The following MCOLN3 variants were observed in gnomAD, a reference collection of about 807,000 sequenced individuals.
The protein encoded by MCOLN3 is mucolipin-3.
A neutral mutation model predicts 69.4 loss-of-function variants in MCOLN3; 62 were observed. The ratio of observed to expected loss-of-function variants is 0.89; its 90% CI spans 0.73 to 1.10. MCOLN3 has a LOEUF of 1.10. MCOLN3 is among the 50% of genes least tolerant of loss of function. The pLI is 0.00. For synonymous variants in MCOLN3, 183 were observed against 217.0 expected, an observed-to-expected ratio of 0.84 and a Z score of 1.38; for missense variants, 564 against 656.4, an observed-to-expected ratio of 0.86 and a Z score of 1.54.
At chr1:85,044,935 G>GA (rs1363857747) in intron 2 of MCOLN3, among the ~76,000 whole-genome samples, 198 bp downstream of exon 2, 7 of 151,832 alleles carry the variant, frequency 4.6e-5, no homozygotes, top group African/African-American at 1.4e-4. Context: ...AACGATACAA[G>GA]AAAAAAACTA....
chr1:85,021,470 G>A (rs1257159216), intron 11 of MCOLN3, among the ~76,000 whole-genome samples, 194 bp from the exon 12 acceptor site: 2 of 152,132 alleles, frequency 1.3e-5, no homozygotes, highest in Non-Finnish European at 2.9e-5. Flanking sequence ...TTTTTCCTGA[G>A]ACAAGCAGCT....
chr1:85,027,362 C>T (rs559442766), intron 7 of MCOLN3, among the ~76,000 whole-genome samples: 1 of 152,234 alleles, frequency 6.6e-6, no homozygotes, highest in African/African-American at 2.4e-5. Context: ...TTCACAGCAA[C>T]TCCAATGAGG....
At chr1:85,030,284 A>T (rs1652445436) in intron 6 of MCOLN3, among the ~76,000 whole-genome samples, 1 of 152,256 alleles carries the variant, frequency 6.6e-6, no homozygotes, top group Non-Finnish European at 1.5e-5. Context: ...CTATTGAGTA[A>T]AAAACTGGGA....
chr1:85,022,164 A>C lies in MCOLN3; in HGVS notation c.1226T>G (p.Leu409Arg), dbSNP rs1651972810. The C allele has an allele frequency of 1.2e-6, 2 of 1,614,036 alleles. No individual in the cohort carries two copies. Among genetic ancestry groups the C allele is most frequent in the South Asian group, 2.2e-5 (2 of 91,080 alleles). Residue 409 changes from leucine (L) to arginine (R), a missense_variant, in exon 11 of 13, where the codon CTG becomes CGG. Transcript: ENST00000370589. Reference protein sequence around the residue: ...NLLILTLQAALPNVIRFCCCA... With the variant: ...NLLILTLQAARPNVIRFCCCA... ...GCAGCAGAACCTGATGACATTGGGC[A>C]GCGCTGCCTGAAGGGTCAAAATGAG...
chr1:85,030,024 G>A (rs541292655), intron 6 of MCOLN3: 27 of 152,302 alleles, frequency 1.8e-4, no homozygotes, highest in African/African-American at 6.0e-4. Context: ...GATTTCAAAT[G>A]ACTTTTAAAA....
chr1:85,040,804 A>C (rs967277968), intron 3 of MCOLN3, among the ~76,000 whole-genome samples: 1 of 152,180 alleles, frequency 6.6e-6, no homozygotes, highest in Non-Finnish European at 1.5e-5. Flanking sequence ...CCTTTCTGTT[A>C]CTAAACAAAA....
intron 2 of MCOLN3, among the ~76,000 whole-genome samples, chr1:85,044,343 T>A (rs1307193765): frequency 6.6e-6 from 1 of 152,224 alleles, no homozygotes; most frequent in Non-Finnish European, 1.5e-5. Flanking sequence ...TACCAATTGT[T>A]TATTTACTTA....
Position 85,019,116 on chromosome 1 carries a change from C to T in MCOLN3, c.*7G>A, listed in dbSNP as rs1330656336. On this transcript the variant is annotated 3_prime_UTR_variant, in exon 13 of 13. Coordinates refer to ENST00000370589, the MANE Select transcript of MCOLN3 (RefSeq NM_018298.11). Reference sequence around the variant, plus strand: ...ATTTTCCTCTAAAGTACAGATAAACCTGATAGCTACTTTTTACAACAGCAG... The same window carrying T: ...ATTTTCCTCTAAAGTACAGATAAACTTGATAGCTACTTTTTACAACAGCAG... 1 of 1,612,352 alleles carries T rather than the reference C, an allele frequency of 6.2e-7. No homozygotes were observed. Among genetic ancestry groups the T allele is most frequent in the East Asian group, 2.2e-5 (1 of 44,830 alleles).
At chr1:85,024,708 G>T (rs921558019) in intron 9 of MCOLN3, 1 of 152,078 alleles carries the variant, frequency 6.6e-6, no homozygotes, top group Non-Finnish European at 1.5e-5. Flanking sequence ...TACCATTTAG[G>T]GTTCACTGAA....
rs190991834 is a variant in MCOLN3, at chr1:85,041,598, G to T, written c.229-421C>A. ...AAAAGCTTACTATACAGCCGGGCGT[G>T]GTGGTTCACGCCTGTAATCCCAGCA... On this transcript the variant is annotated intron_variant, in intron 2 of 12. Transcript: ENST00000370589. Among the ~76,000 whole-genome samples the T allele has an allele frequency of 3.9e-3, 586 of 152,178 alleles. 9 individuals carry two copies. Among genetic ancestry groups the T allele is most frequent in the Admixed American group, 0.035 (531 of 15,300 alleles).
intron 7 of MCOLN3, among the ~76,000 whole-genome samples, chr1:85,027,511 A>G (rs1300911299): frequency 2.0e-5 from 3 of 152,126 alleles, no homozygotes; most frequent in Non-Finnish European, 4.4e-5. Flanking sequence ...CCATCACTCT[A>G]TGTCAGTGGT....
rs1651970918 is a variant in MCOLN3 at position 85,022,142 on chromosome 1, G to A, written c.1248C>T (p.Cys416=). The A allele has an allele frequency of 6.2e-7, 1 of 1,614,194 alleles. No homozygotes were observed. The highest frequency in any genetic ancestry group is 8.5e-7 in the Non-Finnish European group (1 of 1,180,004). Residue 416 remains cysteine, a synonymous_variant, in exon 11 of 13, where the codon TGC becomes TGT. Coordinates refer to ENST00000370589, the MANE Select transcript of MCOLN3 (RefSeq NM_018298.11). The part of the protein sequence containing the change: ...QAALPNVIRF[C]CCAAMIYLGY... ...CTAAGTAAATCATAGCTGCACAGCA[G>A]CAGAACCTGATGACATTGGGCAGCG...
intron 2 of MCOLN3, 80 bp from the exon 3 acceptor site, chr1:85,041,257 CA>C: frequency 8.7e-7 from 1 of 1,146,824 alleles, no homozygotes. Flanking sequence ...GGGGCTTGAA[CA>C]ACAAATAGAA....
At chr1:85,032,813 T>C (rs1652605773) in intron 5 of MCOLN3, 21 bp from the exon 6 acceptor site, 1 of 1,613,260 alleles carries the variant, frequency 6.2e-7, no homozygotes, top group Non-Finnish European at 8.5e-7. Context: ...GAGGTGATTT[T>C]AGTTCTGTGG....
chr1:85,033,434 CT>C (rs1254985280), intron 4 of MCOLN3, among the ~76,000 whole-genome samples: 1 of 152,086 alleles, frequency 6.6e-6, no homozygotes, highest in African/African-American at 2.4e-5. Context: ...AAAGTTTTCC[CT>C]TTCAGTACTG....
At chr1:85,035,899 C>T (rs561518527) in intron 3 of MCOLN3, among the ~76,000 whole-genome samples, 1 of 152,326 alleles carries the variant, frequency 6.6e-6, no homozygotes, top group Admixed American at 6.5e-5. Flanking sequence ...ACTGTTCTTC[C>T]TATCTGGAAG....
At chr1:85,031,686 A>C (rs1314761490) in intron 6 of MCOLN3, among the ~76,000 whole-genome samples, 1 of 152,250 alleles carries the variant, frequency 6.6e-6, no homozygotes, top group African/African-American at 2.4e-5. Flanking sequence ...AGCTACACAC[A>C]GAATGAAGCA....
intron 6 of MCOLN3, among the ~76,000 whole-genome samples, chr1:85,030,909 T>C (rs1652475719): frequency 6.6e-6 from 1 of 152,150 alleles, no homozygotes; most frequent in South Asian, 2.1e-4. Flanking sequence ...AATAGAATAA[T>C]GGTTACCAGA....
At chr1:85,036,953 A>G (rs1000572675) in intron 3 of MCOLN3, 8 of 152,308 alleles carry the variant, frequency 5.3e-5, no homozygotes, top group East Asian at 1.9e-4. Flanking sequence ...GAATTTATCA[A>G]TTCACTGCTC....
Sources: allele counts gnomAD v4.1 joint callset (sites outside exome capture counted in the v4.1 genomes callset), GRCh38; gene constraint gnomAD v4.1.1; transcripts MANE v1.5; gene names NCBI Gene and HGNC (gene_info 2026-07-23, HGNC 2026-07-21).